The following CTNND2 variants were observed in gnomAD, a reference collection of about 807,000 sequenced individuals.
CTNND2 encodes the protein catenin delta-2.
In CTNND2, 22 loss-of-function variants were observed where a neutral mutation model predicts 144.4. That is an observed-to-expected ratio of 0.15 (90% CI 0.11 to 0.22). The LOEUF is 0.22. Among genes scored for constraint, CTNND2 ranks in the 10% least tolerant of loss-of-function variants. CTNND2 has a pLI of 1.00. For synonymous variants in CTNND2, 751 were observed against 695.6 expected, an observed-to-expected ratio of 1.08 and a Z score of -1.25; for missense variants, 1,353 against 1,618.8, an observed-to-expected ratio of 0.84 and a Z score of 2.82.
rs578183139 is a variant in CTNND2 at position 11,395,039 on chromosome 5, C to T, written c.612+1992G>A. Among the ~76,000 whole-genome samples the T allele has an allele frequency of 9.2e-5, 14 of 152,262 alleles. No homozygotes were observed. In the South Asian group the frequency reaches 2.3e-3, roughly 25 times the overall value. ...TACAGGATATTGTAAAAATTAACCTCGGCTTGAAGGAGTAAGATTTCACAC... is the reference window on the plus strand; with the variant it reads ...TACAGGATATTGTAAAAATTAACCTTGGCTTGAAGGAGTAAGATTTCACAC... On this transcript the variant is annotated intron_variant, in intron 6 of 21. Transcript: ENST00000304623.
intron 2 of CTNND2, among the ~76,000 whole-genome samples, chr5:11,646,507 T>C (rs969556397): frequency 6.6e-6 from 1 of 152,210 alleles, no homozygotes; most frequent in Non-Finnish European, 1.5e-5. Context: ...TTCCTTGGAA[T>C]ACATTTCCAT....
At chr5:11,445,918 C>T (rs1198736741) in intron 3 of CTNND2, among the ~76,000 whole-genome samples, 3 of 152,194 alleles carry the variant, frequency 2.0e-5, no homozygotes, top group Non-Finnish European at 4.4e-5. Context: ...TATTTGGACA[C>T]AGACAACATG....
intron 18 of CTNND2, among the ~76,000 whole-genome samples, chr5:11,014,859 C>T (rs1741448925): frequency 6.6e-6 from 1 of 152,144 alleles, no homozygotes; most frequent in South Asian, 2.1e-4. Context: ...TCACACTTTC[C>T]CTTTTATCCA....
intron 10 of CTNND2, among the ~76,000 whole-genome samples, chr5:11,223,563 A>G (rs1334278842): frequency 2.0e-5 from 3 of 152,184 alleles, no homozygotes; most frequent in Non-Finnish European, 4.4e-5. Context: ...TACTGCCCCT[A>G]GAGAGATTAG....
At chr5:11,372,405 A>C (rs1757545468) in intron 7 of CTNND2, among the ~76,000 whole-genome samples, 1 of 152,160 alleles carries the variant, frequency 6.6e-6, no homozygotes, top group African/African-American at 2.4e-5. Context: ...GTGGTAACGG[A>C]GTATAATGAG....
intron 14 of CTNND2, among the ~76,000 whole-genome samples, chr5:11,106,537 TG>T (rs1018238129): frequency 1.3e-5 from 2 of 152,174 alleles, no homozygotes; most frequent in Non-Finnish European, 2.9e-5. Flanking sequence ...GGCTGTCACC[TG>T]GGGGCAGGTA....
At position 11,022,163 on chromosome 5, in the gene CTNND2, T is replaced by C. The variant is rs1272411141; in HGVS notation, c.2999+606A>G. ...CACTATCTGCACTGCCTGGGAAATT[T>C]CTACTCATTCTTTAAGATTTGATTA... On this transcript the variant is annotated intron_variant, in intron 17 of 21. Coordinates refer to ENST00000304623, the MANE Select transcript of CTNND2 (RefSeq NM_001332.4). Among the ~76,000 whole-genome samples, 3 of 152,214 alleles carry C rather than the reference T, an allele frequency of 2.0e-5. No individual in the cohort carries two copies. In the East Asian group the frequency reaches 5.8e-4, roughly 29 times the overall value.
intron 10 of CTNND2, among the ~76,000 whole-genome samples, chr5:11,220,123 T>C (rs1036328063): frequency 1.3e-5 from 2 of 152,058 alleles, no homozygotes; most frequent in African/African-American, 4.8e-5. Flanking sequence ...AAGAGGGACA[T>C]ATAGGAGGGA....
At chr5:11,563,568 C>G (rs959866237) in intron 3 of CTNND2, among the ~76,000 whole-genome samples, 8 of 152,220 alleles carry the variant, frequency 5.3e-5, no homozygotes, top group African/African-American at 1.7e-4. Context: ...GATGTTTAGG[C>G]AAGTCTGTGA....
intron 11 of CTNND2, among the ~76,000 whole-genome samples, chr5:11,182,621 A>G (rs1279994712): frequency 6.6e-6 from 1 of 152,058 alleles, no homozygotes; most frequent in Non-Finnish European, 1.5e-5. Flanking sequence ...ACTACTAGCC[A>G]TGTCCCCCAA....
At chr5:11,254,744 G>A (rs533765790) in intron 9 of CTNND2, among the ~76,000 whole-genome samples, 4 of 152,302 alleles carry the variant, frequency 2.6e-5, no homozygotes, top group East Asian at 1.9e-4. Context: ...GGAGAAACAG[G>A]TGTCACCCTT....
intron 2 of CTNND2, among the ~76,000 whole-genome samples, chr5:11,606,977 T>G (rs1253837540): frequency 2.0e-5 from 3 of 152,176 alleles, no homozygotes; most frequent in African/African-American, 7.2e-5. Flanking sequence ...ATCAATAGGA[T>G]AGGCCCTAAT....
At chr5:11,491,880 T>C (rs1391758938) in intron 3 of CTNND2, among the ~76,000 whole-genome samples, 2 of 152,168 alleles carry the variant, frequency 1.3e-5, no homozygotes, top group African/African-American at 2.4e-5. Flanking sequence ...CGCATTCTAG[T>C]TACCATTGAA....
chr5:11,851,612 G>A (rs1795017822), intron 1 of CTNND2, among the ~76,000 whole-genome samples: 1 of 152,152 alleles, frequency 6.6e-6, no homozygotes, highest in Non-Finnish European at 1.5e-5. Flanking sequence ...GCCTACCCAG[G>A]ACTTCTTCAC....
chr5:11,610,150 C>T (rs1223864222), intron 2 of CTNND2, among the ~76,000 whole-genome samples: 1 of 152,174 alleles, frequency 6.6e-6, no homozygotes, highest in Non-Finnish European at 1.5e-5. Context: ...ATCAAAGCCG[C>T]TTGGCTGTTC....
chr5:11,343,838 C>T (rs2149735512), intron 9 of CTNND2, among the ~76,000 whole-genome samples: 1 of 152,156 alleles, frequency 6.6e-6, no homozygotes, highest in South Asian at 2.1e-4. Flanking sequence ...GCTTACATAG[C>T]CTGGTGTTTG....
At chr5:11,642,280 C>A (rs756221879) in intron 2 of CTNND2, among the ~76,000 whole-genome samples, 61 of 152,096 alleles carry the variant, frequency 4.0e-4, no homozygotes, top group Non-Finnish European at 6.9e-4. Context: ...TCAATTCTAG[C>A]AGCAGGAGGC....
In CTNND2 at chr5:11,283,737, A is replaced by G. The variant is rs1446118113; in HGVS notation, c.1629-46914T>C. ...AGACATGGGAATCTGTATATTTGGAATTCAAAATGAAGAAGCTAATTTAAA... is the reference window on the plus strand; with the variant it reads ...AGACATGGGAATCTGTATATTTGGAGTTCAAAATGAAGAAGCTAATTTAAA... On this transcript the variant is annotated intron_variant, in intron 9 of 21. Transcript: ENST00000304623. Among the ~76,000 whole-genome samples, 46 of 147,856 alleles carry G rather than the reference A, an allele frequency of 3.1e-4. 1 individual carries two copies. The highest frequency in any genetic ancestry group is 3.1e-3 in the Admixed American group (46 of 14,838).
chr5:11,001,750 T>G (rs1739987832), intron 18 of CTNND2, among the ~76,000 whole-genome samples: 1 of 152,234 alleles, frequency 6.6e-6, no homozygotes, highest in African/African-American at 2.4e-5. Flanking sequence ...AGTGTTAGCT[T>G]AGGTAAAATA....
Sources: allele counts gnomAD v4.1 joint callset (sites outside exome capture counted in the v4.1 genomes callset), GRCh38; gene constraint gnomAD v4.1.1; transcripts MANE v1.5; gene names NCBI Gene and HGNC (gene_info 2026-07-23, HGNC 2026-07-21).